ADAMTS12: variants seen among roughly 807,000 people sequenced by gnomAD.
The protein encoded by ADAMTS12 is A disintegrin and metalloproteinase with thrombospondin motifs 12.
In ADAMTS12, 118 loss-of-function variants were observed where a neutral mutation model predicts 167.8. The observed-to-expected ratio is 0.70, with a 90% CI of 0.61 to 0.82. The LOEUF (loss-of-function observed/expected upper bound fraction) is 0.82, where lower values mean the gene tolerates loss of function less well. ADAMTS12 is among the 40% of genes least tolerant of loss of function. ADAMTS12 has a pLI of 0.00. For missense variants in ADAMTS12, 1,916 were observed against 1,998.8 expected (o/e 0.96, Z 0.79); for synonymous variants, 704 against 716.9 (o/e 0.98, Z 0.29).
chr5:33,547,637 C>T (rs1242596454), intron 21 of ADAMTS12, among the ~76,000 whole-genome samples: 1 of 151,996 alleles, frequency 6.6e-6, no homozygotes, highest in African/African-American at 2.4e-5. Flanking sequence ...GGAACTCTAC[C>T]AACTTTGTGG....
intron 3 of ADAMTS12, among the ~76,000 whole-genome samples, chr5:33,733,946 T>C (rs1212964840): frequency 1.3e-5 from 2 of 151,420 alleles, no homozygotes; most frequent in Non-Finnish European, 2.9e-5. Context: ...AGCTGTTCAG[T>C]GCAAGAATTC....
chr5:33,584,852 A>G (rs1315245694), intron 18 of ADAMTS12, among the ~76,000 whole-genome samples: 1 of 152,226 alleles, frequency 6.6e-6, no homozygotes, highest in Non-Finnish European at 1.5e-5. Context: ...CTGAGGTCCT[A>G]TAAGGAAAAA....
At chr5:33,568,021 T>C (rs1165270060) in intron 19 of ADAMTS12, among the ~76,000 whole-genome samples, 3 of 152,208 alleles carry the variant, frequency 2.0e-5, no homozygotes, top group African/African-American at 4.8e-5. Flanking sequence ...GGGAAAATAC[T>C]ACCAATCTCC....
At chr5:33,881,734 GTTTT>G (rs11295558) in intron 1 of ADAMTS12, among the ~76,000 whole-genome samples, 6 of 120,172 alleles carry the variant, frequency 5.0e-5, no homozygotes, top group South Asian at 2.7e-4. Context: ...GGCTAATTTT[GTTTT>G]TTTTTTTTTT....
intron 2 of ADAMTS12, among the ~76,000 whole-genome samples, chr5:33,801,471 G>A (rs748143099): frequency 7.2e-5 from 11 of 152,188 alleles, no homozygotes; most frequent in South Asian, 6.2e-4. Flanking sequence ...GATATGACAT[G>A]ATATAATGTG....
intron 16 of ADAMTS12, among the ~76,000 whole-genome samples, chr5:33,600,133 G>C (rs1220405380): frequency 1.3e-5 from 2 of 152,190 alleles, no homozygotes; most frequent in Non-Finnish European, 2.9e-5. Flanking sequence ...AAGACACAAA[G>C]TAGAAATCAG....
chr5:33,659,380 G>C (rs536155536), intron 6 of ADAMTS12, among the ~76,000 whole-genome samples: 1 of 152,246 alleles, frequency 6.6e-6, no homozygotes, highest in East Asian at 1.9e-4. Context: ...GTAACTTCTA[G>C]GTCTGTAAGA....
intron 5 of ADAMTS12, among the ~76,000 whole-genome samples, chr5:33,671,606 T>C (rs2112237445): frequency 6.6e-6 from 1 of 152,244 alleles, no homozygotes; most frequent in South Asian, 2.1e-4. Context: ...TGCAGATTAC[T>C]CACTGATTAT....
At chr5:33,552,100 C>A (rs540246651) in intron 20 of ADAMTS12, among the ~76,000 whole-genome samples, 1 of 152,284 alleles carries the variant, frequency 6.6e-6, no homozygotes, top group South Asian at 2.1e-4. Flanking sequence ...CTGTGATTTG[C>A]ACAGCAAATT....
chr5:33,645,140 T>C (rs201399768), intron 9 of ADAMTS12, among the ~76,000 whole-genome samples: 5,451 of 144,312 alleles, frequency 0.038, 111 homozygotes, highest in African/African-American at 0.056. Context: ...GGACAAATGC[T>C]TTATTTATTA....
At chr5:33,627,104 G>A (rs1739685430) in intron 13 of ADAMTS12, among the ~76,000 whole-genome samples, 1 of 147,856 alleles carries the variant, frequency 6.8e-6, no homozygotes, top group Non-Finnish European at 1.5e-5. Flanking sequence ...TGGTGGTGAT[G>A]ATGGTTGTGG....
chr5:33,748,258 A>G (rs116184491), intron 3 of ADAMTS12, among the ~76,000 whole-genome samples: 19 of 152,306 alleles, frequency 1.2e-4, no homozygotes, highest in Non-Finnish European at 2.8e-4. Context: ...GGAGCTTGTC[A>G]TCGTTGATAA....
Position 33,569,268 on chromosome 5 carries a change from A to C in ADAMTS12, c.3972+6786T>G, listed in dbSNP as rs192794680. Among the ~76,000 whole-genome samples the C allele has an allele frequency of 3.3e-3, 510 of 152,348 alleles. 2 individuals are homozygous for C. The highest frequency in any genetic ancestry group is 0.01 in the Middle Eastern group (3 of 294). On this transcript the variant is annotated intron_variant, in intron 19 of 23. Transcript: ENST00000504830. ...TCGTTCTCCCAGCACGCAGCTGGAG[A>C]TCTGAGAACGGGCAGACTGCCTCCT...
At chr5:33,615,026 T>C (rs891751079) in intron 15 of ADAMTS12, among the ~76,000 whole-genome samples, 2 of 152,240 alleles carry the variant, frequency 1.3e-5, no homozygotes, top group Non-Finnish European at 2.9e-5. Flanking sequence ...TATGCTGCTC[T>C]TGGGATCTTC....
intron 2 of ADAMTS12, among the ~76,000 whole-genome samples, chr5:33,792,429 G>GA (rs983449735): frequency 6.6e-6 from 1 of 152,220 alleles, no homozygotes; most frequent in African/African-American, 2.4e-5. Flanking sequence ...GAGAAAATTA[G>GA]ATAGGACTAA....
rs1025254867 is a variant in ADAMTS12 at position 33,661,993 on chromosome 5, G to A, written c.963C>T (p.Phe321=). 1 of 1,612,988 alleles carries A rather than the reference G, an allele frequency of 6.2e-7. No individual in the cohort carries two copies. The highest frequency in any genetic ancestry group is 8.5e-7 in the Non-Finnish European group (1 of 1,179,652). Reference sequence around the variant, plus strand: ...GATTGATACTCTTCTGCCACTTGCAGAAGCTAGACAGTGTCTTTTCTGCAT... The same window carrying A: ...GATTGATACTCTTCTGCCACTTGCAAAAGCTAGACAGTGTCTTTTCTGCAT... ...VHHAEKTLSS[F]CKWQKSINPK... Residue 321 remains phenylalanine (F), a synonymous_variant, in exon 6 of 24, where the codon TTC becomes TTT. Coordinates refer to ENST00000504830, the MANE Select transcript of ADAMTS12 (RefSeq NM_030955.4).
chr5:33,777,243 T>C (rs1057367849), intron 2 of ADAMTS12, among the ~76,000 whole-genome samples: 2 of 151,916 alleles, frequency 1.3e-5, no homozygotes, highest in Admixed American at 6.6e-5. Context: ...GACAGGCCAA[T>C]ATCTCTGATG....
intron 2 of ADAMTS12, among the ~76,000 whole-genome samples, chr5:33,810,388 C>A (rs1273000083): frequency 4.6e-5 from 7 of 152,194 alleles, no homozygotes; most frequent in Non-Finnish European, 1.5e-5. Context: ...TTTTCTCTTC[C>A]ACTTCCAGGA....
Position 33,564,781 on chromosome 5 carries a change from C to T in ADAMTS12, c.3973-3602G>A, listed in dbSNP as rs146898107. 2.4e-3 allele frequency among the ~76,000 whole-genome samples: 366 copies of T among 152,270 alleles called. 4 individuals carry two copies. The highest frequency in any genetic ancestry group is 3.4e-3 in the Middle Eastern group (1 of 294). ...TCAGACATTCAATGCTAGTTGCCGCCCCTTCCCCACATTGTTGTAACAAAC... is the reference window on the plus strand; with the variant it reads ...TCAGACATTCAATGCTAGTTGCCGCTCCTTCCCCACATTGTTGTAACAAAC... On this transcript the variant is annotated intron_variant, in intron 19 of 23. Coordinates refer to ENST00000504830, the MANE Select transcript of ADAMTS12 (RefSeq NM_030955.4).
Sources: allele counts gnomAD v4.1 joint callset (sites outside exome capture counted in the v4.1 genomes callset), GRCh38; gene constraint gnomAD v4.1.1; transcripts MANE v1.5; gene names NCBI Gene and HGNC (gene_info 2026-07-23, HGNC 2026-07-21).